Variants in PCGF3 observed in about 807,000 individuals in gnomAD.
PCGF3 encodes polycomb group ring finger 3.
Under a neutral mutation model 33.1 loss-of-function variants are expected in PCGF3, and 7 were observed. The observed-to-expected ratio is 0.21, with a 90% CI of 0.12 to 0.40. The LOEUF (loss-of-function observed/expected upper bound fraction) is 0.40. PCGF3 is among the 10% of genes least tolerant of loss of function. The pLI is 1.00. For missense variants in PCGF3, 211 were observed against 313.3 expected, an observed-to-expected ratio of 0.67 and a Z score of 2.46; for synonymous variants, 153 against 121.3, an observed-to-expected ratio of 1.26 and a Z score of -1.72.
chr4:760,050 C>A (rs577165780), intron 8 of PCGF3, among the ~76,000 whole-genome samples: 8 of 152,314 alleles, frequency 5.3e-5, no homozygotes, highest in Admixed American at 5.2e-4. Flanking sequence ...CGCTCCATCC[C>A]ACCCCGGAGC....
At chr4:765,762 G>A (rs532211929) in intron 10 of PCGF3, among the ~76,000 whole-genome samples, 4 of 152,248 alleles carry the variant, frequency 2.6e-5, no homozygotes, top group South Asian at 4.2e-4. Flanking sequence ...GGCAGCCAGG[G>A]CCACATCAGG....
intron 6 of PCGF3, among the ~76,000 whole-genome samples, chr4:738,018 G>A (rs997239898): frequency 6.6e-6 from 1 of 152,234 alleles, no homozygotes; most frequent in Non-Finnish European, 1.5e-5. Flanking sequence ...TCGGTTGCTT[G>A]GGGATCGCTC....
At chr4:740,717 T>C (rs1744050233) in intron 6 of PCGF3, among the ~76,000 whole-genome samples, 1 of 152,116 alleles carries the variant, frequency 6.6e-6, no homozygotes, top group South Asian at 2.1e-4. Flanking sequence ...TTGGAAAAAA[T>C]CAAAAGCAGC....
At chr4:713,591 T>A (rs1246760588) in intron 1 of PCGF3, among the ~76,000 whole-genome samples, 1 of 147,180 alleles carries the variant, frequency 6.8e-6, no homozygotes, top group Non-Finnish European at 1.5e-5. Flanking sequence ...CGTGGGGGGC[T>A]ATGACTTTGT....
At chr4:718,512 G>A (rs1220975070) in intron 1 of PCGF3, among the ~76,000 whole-genome samples, 3 of 152,232 alleles carry the variant, frequency 2.0e-5, no homozygotes, top group African/African-American at 4.8e-5. Context: ...GCTGATGTGC[G>A]CCTGTAATCC....
chr4:737,609 G>A lies in PCGF3; in HGVS notation c.262+88G>A, dbSNP rs1743891265. The A allele has an allele frequency of 2.2e-5, 18 of 817,360 alleles. No individual in the cohort carries two copies. In the South Asian group the frequency reaches 2.5e-4, roughly 11 times the overall value. The allele number at this position is 817,360 out of a possible 1,614,324, so 50.6% of individuals were successfully genotyped here. Reference sequence around the variant, plus strand: ...TCCTGGAAGTTTGGTTCTCGGATGGGAGGCCCCTTTCCTTTTGGCCGAATC... The same window carrying A: ...TCCTGGAAGTTTGGTTCTCGGATGGAAGGCCCCTTTCCTTTTGGCCGAATC... On this transcript the variant is annotated intron_variant, in intron 6 of 10. Coordinates refer to ENST00000362003, the Ensembl canonical transcript of PCGF3.
At chr4:752,505 C>A (rs564005591) in intron 8 of PCGF3, among the ~76,000 whole-genome samples, 1 of 152,350 alleles carries the variant, frequency 6.6e-6, no homozygotes, top group African/African-American at 2.4e-5. Context: ...GCTGCTGCTT[C>A]CAGAGCCTGG....
At chr4:751,700 C>T (rs1207526955) in intron 8 of PCGF3, among the ~76,000 whole-genome samples, 1 of 151,978 alleles carries the variant, frequency 6.6e-6, no homozygotes, top group Non-Finnish European at 1.5e-5. Context: ...CCCCGGTGGC[C>T]CCTCCAAAGG....
intron 1 of PCGF3, among the ~76,000 whole-genome samples, chr4:712,511 G>A (rs1020337066): frequency 3.3e-5 from 5 of 152,176 alleles, no homozygotes; most frequent in East Asian, 1.9e-4. Context: ...GCAGTGGCGC[G>A]ATCTCGGCTC....
intron 6 of PCGF3, among the ~76,000 whole-genome samples, chr4:742,464 A>G (rs1259472686): frequency 1.3e-5 from 2 of 152,068 alleles, no homozygotes; most frequent in Non-Finnish European, 2.9e-5. Flanking sequence ...CACATACGTT[A>G]CTTTTCAGAG....
intron 1 of PCGF3, among the ~76,000 whole-genome samples, chr4:716,002 G>A (rs1742815822): frequency 7.1e-6 from 1 of 141,274 alleles, no homozygotes. Context: ...CTGGGCGTCG[G>A]TGCTGGGACC....
At position 758,277 on chromosome 4, in the gene PCGF3, T is replaced by G. The variant is rs946994596; in HGVS notation, c.463-3002T>G. Reference sequence around the variant, plus strand: ...ACCGGGCACCCCCTTTCTCCCTGCTTCTCACTTCTTCCGCCAAACTCCAGG... The same window carrying G: ...ACCGGGCACCCCCTTTCTCCCTGCTGCTCACTTCTTCCGCCAAACTCCAGG... On this transcript the variant is annotated intron_variant, in intron 8 of 10. Coordinates refer to ENST00000362003, the Ensembl canonical transcript of PCGF3. Among the ~76,000 whole-genome samples, 118 of 151,684 alleles carry G rather than the reference T, an allele frequency of 7.8e-4. 1 individual carries two copies. The highest frequency in any genetic ancestry group is 1.9e-3 in the Admixed American group (29 of 15,238).
intron 3 of PCGF3, 68 bp from the exon 4 acceptor site, chr4:733,604 A>C: frequency 2.3e-5 from 34 of 1,473,688 alleles, no homozygotes; most frequent in Non-Finnish European, 2.9e-5. Context: ...GGCGGCTGTC[A>C]GAGCTCAGCC....
intron 6 of PCGF3, among the ~76,000 whole-genome samples, chr4:738,353 G>C (rs541359982): frequency 6.6e-6 from 1 of 152,350 alleles, no homozygotes; most frequent in Non-Finnish European, 1.5e-5. Flanking sequence ...GAAGAATTTA[G>C]ATTTCCTGAG....
chr4:739,765 G>A (rs952175391), intron 6 of PCGF3, among the ~76,000 whole-genome samples: 2 of 152,212 alleles, frequency 1.3e-5, no homozygotes, highest in African/African-American at 2.4e-5. Context: ...CCTGGAGCAG[G>A]TTGTATGTTC....
intron 1 of PCGF3, among the ~76,000 whole-genome samples, chr4:715,427 G>A (rs1742777974): frequency 6.8e-6 from 1 of 147,884 alleles, no homozygotes; most frequent in Admixed American, 6.7e-5. Context: ...TGAGCACTGG[G>A]CGTCGGTGCT....
chr4:769,485 T>C (rs1745527757), exon 11 of PCGF3: 1 of 152,740 alleles, frequency 6.5e-6, no homozygotes, highest in South Asian at 2.1e-4. Flanking sequence ...TCACATGACC[T>C]TAACATGATC....
intron 8 of PCGF3, among the ~76,000 whole-genome samples, chr4:753,367 A>G (rs1287306257): frequency 6.6e-6 from 1 of 151,790 alleles, no homozygotes; most frequent in Non-Finnish European, 1.5e-5. Flanking sequence ...GTTTAAGAAG[A>G]CTCTTGGCCG....
At chr4:714,725 A>C (rs897670167) in intron 1 of PCGF3, among the ~76,000 whole-genome samples, 11 of 152,204 alleles carry the variant, frequency 7.2e-5, no homozygotes, top group African/African-American at 2.7e-4. Context: ...GCGGAGACAT[A>C]GGCCCTGACG....
Sources: gnomAD v4.1 joint callset for allele counts (sites outside exome capture counted in the v4.1 genomes callset) on GRCh38, gnomAD v4.1.1 for gene constraint, MANE v1.5 for transcripts, NCBI Gene and HGNC (gene_info 2026-07-23, HGNC 2026-07-21) for gene names.